ATL2: variants seen among roughly 807,000 people sequenced by gnomAD.
ATL2 encodes atlastin GTPase 2.
Under a neutral mutation model 73.9 loss-of-function variants are expected in ATL2, and 31 were observed. The ratio of observed to expected loss-of-function variants is 0.42; its 90% CI spans 0.32 to 0.57. The LOEUF is 0.57. Ranked by LOEUF, ATL2 falls within the 20% of genes least tolerant of loss-of-function variation. The pLI is 0.14. For synonymous variants in ATL2, 291 were observed against 237.5 expected (o/e 1.23, Z -2.07); for missense variants, 738 against 702.6 (o/e 1.05, Z -0.57).
At chr2:38,334,424 G>T (rs948547772) in intron 2 of ATL2, among the ~76,000 whole-genome samples, 1 of 151,816 alleles carries the variant, frequency 6.6e-6, no homozygotes, top group Non-Finnish European at 1.5e-5. Context: ...GGTCAAGGCC[G>T]GGCACGGTGG....
intron 9 of ATL2, among the ~76,000 whole-genome samples, chr2:38,300,892 A>C (rs199897647): frequency 9.2e-5 from 14 of 151,860 alleles, no homozygotes; most frequent in East Asian, 3.9e-4. Context: ...AAAAAAAAAA[A>C]AAAACTAATT....
intron 1 of ATL2, among the ~76,000 whole-genome samples, chr2:38,360,850 T>A (rs17022606): frequency 0.11 from 16,142 of 151,978 alleles, 2,846 homozygotes; most frequent in African/African-American, 0.37. Context: ...AAGTTGTTTA[T>A]ATCCTAGAGA....
intron 2 of ATL2, among the ~76,000 whole-genome samples, chr2:38,340,412 G>A (rs905389007): frequency 6.6e-6 from 1 of 152,052 alleles, no homozygotes; most frequent in East Asian, 1.9e-4. Context: ...TTAGAAGTGG[G>A]GGGGGCAGGG....
chr2:38,329,831 C>A (rs912844927), intron 2 of ATL2, among the ~76,000 whole-genome samples: 7 of 151,834 alleles, frequency 4.6e-5, no homozygotes, highest in African/African-American at 1.7e-4. Context: ...TAACAATAGT[C>A]TAAAGAAAAA....
intron 1 of ATL2, among the ~76,000 whole-genome samples, chr2:38,374,587 C>T (rs1363591914): frequency 6.6e-6 from 1 of 152,240 alleles, no homozygotes; most frequent in Non-Finnish European, 1.5e-5. Context: ...AAGGGCCTGA[C>T]AAACAGCTTT....
intron 2 of ATL2, among the ~76,000 whole-genome samples, chr2:38,329,505 T>C (rs1343910004): frequency 1.3e-5 from 2 of 148,720 alleles, no homozygotes; most frequent in African/African-American, 5.0e-5. Flanking sequence ...CTGACTTCAC[T>C]GGAAAACTCT....
At chr2:38,360,237 A>T (rs1236363336) in intron 1 of ATL2, among the ~76,000 whole-genome samples, 2 of 151,320 alleles carry the variant, frequency 1.3e-5, no homozygotes, top group Admixed American at 1.3e-4. Flanking sequence ...AGATTCTAGA[A>T]TAAGCGATGG....
intron 9 of ATL2, among the ~76,000 whole-genome samples, chr2:38,307,686 G>A (rs6748408): frequency 0.49 from 74,839 of 151,678 alleles, 20,530 homozygotes; most frequent in African/African-American, 0.75. Flanking sequence ...ACTGGGAGAA[G>A]ACATTTGCAA....
intron 1 of ATL2, among the ~76,000 whole-genome samples, chr2:38,376,897 C>T (rs1465167749): frequency 1.3e-5 from 2 of 150,454 alleles, no homozygotes; most frequent in East Asian, 3.9e-4. Flanking sequence ...CGGTCGCAGA[C>T]GCGCGCGCCA....
chr2:38,377,313 T>A (rs949729629), upstream of ATL2: 3 of 1,458,512 alleles, frequency 2.1e-6, no homozygotes, highest in Admixed American at 6.8e-5. Flanking sequence ...CGCCGCCGCT[T>A]TATCAACCTC....
chr2:38,376,851 C>G (rs1176739995), intron 1 of ATL2, among the ~76,000 whole-genome samples: 1 of 150,888 alleles, frequency 6.6e-6, no homozygotes, highest in East Asian at 1.9e-4. Context: ...GACACGGCGG[C>G]AGCCACGCGG....
At chr2:38,299,479 G>A in intron 10 of ATL2, 152 bp from the exon 11 acceptor site, 1 of 773,598 alleles carries the variant, frequency 1.3e-6, no homozygotes, top group Non-Finnish European at 1.9e-6. Context: ...GGGAACGTTG[G>A]TATAAAGGAT....
At chr2:38,369,908 T>C (rs1000649707) in intron 1 of ATL2, among the ~76,000 whole-genome samples, 5 of 151,116 alleles carry the variant, frequency 3.3e-5, no homozygotes, top group African/African-American at 1.2e-4. Context: ...TCCCAGCACT[T>C]TGGGAAGCCG....
chr2:38,325,699 T>TACACAGACAC (rs1668597939), intron 2 of ATL2, among the ~76,000 whole-genome samples: 1 of 11,316 alleles, frequency 8.8e-5, no homozygotes, highest in Non-Finnish European at 1.9e-4. Flanking sequence ...CACACACCAG[T>TACACAGACAC]ACACACACAC....
intron 5 of ATL2, among the ~76,000 whole-genome samples, chr2:38,314,904 T>C (rs1230427346): frequency 1.3e-5 from 2 of 152,206 alleles, no homozygotes; most frequent in African/African-American, 2.4e-5. Flanking sequence ...CAAGTGTAAA[T>C]TCATAATAAA....
At position 38,298,413 on chromosome 2, in the gene ATL2, T is replaced by C. The variant is rs780417715; in HGVS notation, c.1363A>G (p.Thr455Ala). The C allele has an allele frequency of 1.2e-6, 2 of 1,614,050 alleles. No homozygotes were observed. The highest frequency in any genetic ancestry group is 1.1e-5 in the South Asian group (1 of 91,076). The stretch of plus-strand genomic sequence containing the variant: ...TTGTGCTTTATAAAATTTGCATAGG[T>C]TTCTTCAATTTCAGCTTCAAGCTGG... Reference protein sequence around the residue: ...QDQLEAEIEETYANFIKHNDG... With the variant: ...QDQLEAEIEEAYANFIKHNDG... Residue 455 changes from threonine to alanine, a missense_variant, in exon 12 of 13, where the codon ACC becomes GCC. By Grantham distance (58) the Thr-to-Ala change is moderately conservative. Coordinates refer to ENST00000378954, the MANE Select transcript of ATL2 (RefSeq NM_001135673.4).
At chr2:38,343,230 TTTC>T in intron 2 of ATL2, 35 bp downstream of exon 2, 1 of 1,537,620 alleles carries the variant, frequency 6.5e-7, no homozygotes, top group Middle Eastern at 1.7e-4. Context: ...TTGGTACTTT[TTTC>T]TTTTTAATTG....
intron 3 of ATL2, 76 bp from the exon 4 acceptor site, chr2:38,318,715 T>C (rs1012706120): frequency 2.6e-5 from 36 of 1,380,742 alleles, no homozygotes; most frequent in East Asian, 7.1e-5. Context: ...AATGATAAAT[T>C]TGAAAAGCAG....
intron 1 of ATL2, among the ~76,000 whole-genome samples, chr2:38,368,503 T>C (rs1363129605): frequency 6.6e-6 from 1 of 151,274 alleles, no homozygotes. Flanking sequence ...CCGCCCGCCT[T>C]GGCCTCCCAA....
Sources: gnomAD v4.1 joint callset for allele counts (sites outside exome capture counted in the v4.1 genomes callset) on GRCh38, gnomAD v4.1.1 for gene constraint, MANE v1.5 for transcripts, NCBI Gene and HGNC (gene_info 2026-07-23, HGNC 2026-07-21) for gene names.